GLIS3: variants seen among roughly 807,000 people sequenced by gnomAD.
GLIS3 encodes GLIS family zinc finger 3, also known as zinc finger protein GLIS3.
Under a neutral mutation model 78.6 loss-of-function variants are expected in GLIS3, and 53 were observed. The observed-to-expected ratio is 0.67, with a 90% CI of 0.54 to 0.85. The LOEUF (loss-of-function observed/expected upper bound fraction) is 0.85. Among genes scored for constraint, GLIS3 ranks in the 40% least tolerant of loss-of-function variants. GLIS3 has a pLI of 0.00. For missense variants in GLIS3, 1,703 were observed against 1,231.1 expected, an observed-to-expected ratio of 1.38 and a Z score of -5.74; for synonymous variants, 684 against 509.9, an observed-to-expected ratio of 1.34 and a Z score of -4.60.
intron 4 of GLIS3, among the ~76,000 whole-genome samples, chr9:4,116,152 A>T (rs1831620802): frequency 6.6e-6 from 1 of 152,340 alleles, no homozygotes; most frequent in East Asian, 1.9e-4. Flanking sequence ...ATTTTTCTGG[A>T]TAATTCGAGC....
At chr9:3,931,676 G>C (rs1432995302) in intron 6 of GLIS3, among the ~76,000 whole-genome samples, 1 of 152,220 alleles carries the variant, frequency 6.6e-6, no homozygotes, top group African/African-American at 2.4e-5. Context: ...CCACTTGCTA[G>C]ACATCTTATG....
chr9:4,145,425 T>A (rs1834144643), intron 2 of GLIS3, among the ~76,000 whole-genome samples: 3 of 149,016 alleles, frequency 2.0e-5, no homozygotes, highest in African/African-American at 7.4e-5. Flanking sequence ...CCAAGGCTAG[T>A]ACCTTTTGCA....
intron 4 of GLIS3, among the ~76,000 whole-genome samples, chr9:3,997,260 C>T (rs1820813921): frequency 6.6e-6 from 1 of 152,120 alleles, no homozygotes; most frequent in Admixed American, 6.5e-5. Flanking sequence ...GCCGGAGAAT[C>T]GCTTGAACTC....
intron 4 of GLIS3, among the ~76,000 whole-genome samples, chr9:4,029,270 C>T (rs1428761566): frequency 6.6e-6 from 1 of 151,904 alleles, no homozygotes; most frequent in African/African-American, 2.4e-5. Flanking sequence ...GAAATTCCAG[C>T]AGACCTTTTC....
At chr9:4,146,935 T>C (rs554015252) in intron 2 of GLIS3, among the ~76,000 whole-genome samples, 1 of 152,342 alleles carries the variant, frequency 6.6e-6, no homozygotes, top group Admixed American at 6.5e-5. Context: ...ATCTTGCTAT[T>C]ATTTCTCAAT....
chr9:4,236,204 A>AAAAAAAAGAAAG (rs536737911), intron 2 of GLIS3, among the ~76,000 whole-genome samples: 1 of 86,338 alleles, frequency 1.2e-5, no homozygotes, highest in African/African-American at 4.3e-5. Context: ...AAAAAAAAAA[A>AAAAAAAAGAAAG]AAAGAAAGAA....
At chr9:3,870,967 C>A (rs906982210) in intron 8 of GLIS3, among the ~76,000 whole-genome samples, 11 of 152,210 alleles carry the variant, frequency 7.2e-5, no homozygotes, top group African/African-American at 2.4e-4. Flanking sequence ...CCTGTAAAAT[C>A]AAAAGCAAGC....
the GLIS3 span, among the ~76,000 whole-genome samples, chr9:4,389,398 C>T: frequency 6.6e-6 from 1 of 152,148 alleles, no homozygotes; most frequent in Non-Finnish European, 1.5e-5. Flanking sequence ...GCCCAGAACT[C>T]GTAGGTTGTG....
the GLIS3 span, among the ~76,000 whole-genome samples, chr9:4,445,228 A>G: frequency 1.3e-5 from 2 of 152,210 alleles, no homozygotes; most frequent in African/African-American, 4.8e-5. Flanking sequence ...GGCTGTAAGA[A>G]ATGTATATGA....
At chr9:4,050,435 C>T (rs1019321661) in intron 4 of GLIS3, among the ~76,000 whole-genome samples, 18 of 152,020 alleles carry the variant, frequency 1.2e-4, no homozygotes, top group Admixed American at 5.9e-4. Context: ...CATCACACAC[C>T]AGGGCCTGTT....
intron 6 of GLIS3, among the ~76,000 whole-genome samples, chr9:3,904,602 A>C (rs953270747): frequency 1.3e-5 from 2 of 152,222 alleles, no homozygotes; most frequent in Non-Finnish European, 2.9e-5. Flanking sequence ...CAGGTCAGGA[A>C]GGAGAAAGCA....
intron 2 of GLIS3, among the ~76,000 whole-genome samples, chr9:4,195,618 C>T (rs10121433): frequency 1.3e-5 from 2 of 152,258 alleles, no homozygotes; most frequent in Admixed American, 6.5e-5. Context: ...CCCAGATGGG[C>T]ACGCCCCCTG....
the GLIS3 span, among the ~76,000 whole-genome samples, chr9:4,370,186 A>G: frequency 7.5e-5 from 11 of 147,054 alleles, no homozygotes; most frequent in African/African-American, 2.5e-4. Context: ...TCCATCTCAA[A>G]AAAAAAAAAA....
Position 4,277,045 on chromosome 9 carries a change from C to T in GLIS3, c.388+8993G>A, listed in dbSNP as rs138479290. On this transcript the variant is annotated intron_variant, in intron 2 of 10. Coordinates refer to ENST00000381971, the MANE Select transcript of GLIS3 (RefSeq NM_001042413.2). ...AGCAGAAGTGAAAAAAAAATAACCACGGATTTTGCCCCAACCTTCTTTAGG... is the reference window on the plus strand; with the variant it reads ...AGCAGAAGTGAAAAAAAAATAACCATGGATTTTGCCCCAACCTTCTTTAGG... 3.8e-4 allele frequency among the ~76,000 whole-genome samples: 58 copies of T among 152,218 alleles called. 1 individual carries two copies. The highest frequency in any genetic ancestry group is 8.4e-4 in the African/African-American group (35 of 41,526).
chr9:3,973,031 A>G (rs989887537), intron 4 of GLIS3, among the ~76,000 whole-genome samples: 2 of 152,140 alleles, frequency 1.3e-5, no homozygotes, highest in African/African-American at 4.8e-5. Context: ...TTCAGGTGCA[A>G]TAATTCATGA....
intron 4 of GLIS3, among the ~76,000 whole-genome samples, chr9:4,106,697 A>T (rs937555300): frequency 6.6e-6 from 1 of 152,232 alleles, no homozygotes; most frequent in Admixed American, 6.5e-5. Context: ...CTTTATGAAC[A>T]GATGGGGAAT....
At chr9:4,315,709 G>A (rs1451857632) in intron 2 of GLIS3, among the ~76,000 whole-genome samples, 1 of 152,056 alleles carries the variant, frequency 6.6e-6, no homozygotes, top group African/African-American at 2.4e-5. Flanking sequence ...GGTCTTTTGG[G>A]GCCAGCCTCT....
the GLIS3 span, among the ~76,000 whole-genome samples, chr9:4,353,904 T>C: frequency 6.6e-6 from 1 of 152,028 alleles, no homozygotes; most frequent in East Asian, 1.9e-4. Flanking sequence ...CTCGGCTCAC[T>C]GCAAGCTCAG....
chr9:4,199,128 A>G (rs1233224961), intron 2 of GLIS3, among the ~76,000 whole-genome samples: 1 of 152,218 alleles, frequency 6.6e-6, no homozygotes, highest in Non-Finnish European at 1.5e-5. Context: ...CAGATAGCCC[A>G]CAAATCCTAT....
Sources: gnomAD v4.1 joint callset for allele counts (sites outside exome capture counted in the v4.1 genomes callset) on GRCh38, gnomAD v4.1.1 for gene constraint, MANE v1.5 for transcripts, NCBI Gene and HGNC (gene_info 2026-07-23, HGNC 2026-07-21) for gene names.